Variants in DPPA2 observed in about 807,000 individuals in gnomAD.
The protein encoded by DPPA2 is developmental pluripotency associated 2, also known as developmental pluripotency-associated protein 2.
A neutral mutation model predicts 36.2 loss-of-function variants in DPPA2; 26 were observed. The observed-to-expected ratio is 0.72, with a 90% CI of 0.53 to 1.00. DPPA2 has a LOEUF of 1.00. Ranked by LOEUF, DPPA2 falls within the 50% of genes least tolerant of loss-of-function variation. The pLI is 0.00. For missense variants in DPPA2, 361 were observed against 365.1 expected (o/e 0.99, Z 0.09); for synonymous variants, 113 against 123.2 (o/e 0.92, Z 0.55).
Position 109,304,584 on chromosome 3 carries a change from A to G in DPPA2, c.745T>C (p.Trp249Arg), listed in dbSNP as rs778008059. Reference protein sequence around the residue: ...VRLQFHAGQAWVPTTHRRMIS... With the variant: ...VRLQFHAGQARVPTTHRRMIS... ...ATCCTCCTGTGAGTGGTAGGCACCC[A>G]GGCCTGACCTGCATGAAACTGCAGG... is the stretch of plus-strand genomic sequence containing the variant. Residue 249 changes from tryptophan to arginine, a missense_variant, in exon 7 of 9, where the codon TGG becomes CGG. Physicochemically the swap from Trp to Arg is moderately radical, Grantham distance 101. Coordinates refer to ENST00000478945, the MANE Select transcript of DPPA2 (RefSeq NM_138815.4). 1.9e-6 allele frequency: 3 copies of G among 1,614,120 alleles called. No individual in the cohort carries two copies. The highest frequency in any genetic ancestry group is 2.5e-6 in the Non-Finnish European group (3 of 1,180,028).
intron 3 of DPPA2, 79 bp from the exon 4 acceptor site, chr3:109,309,409 C>A: frequency 3.3e-6 from 5 of 1,535,754 alleles, no homozygotes; most frequent in South Asian, 2.4e-5. Context: ...GATCTAGGGT[C>A]GGGCACGGTG....
intron 1 of DPPA2, among the ~76,000 whole-genome samples, chr3:109,315,291 A>C (rs894428957): frequency 6.6e-6 from 1 of 152,194 alleles, no homozygotes; most frequent in Non-Finnish European, 1.5e-5. Context: ...TTACTCACTG[A>C]AAGATTCCAG....
intron 8 of DPPA2, among the ~76,000 whole-genome samples, chr3:109,298,952 G>A (rs1041890422): frequency 4.6e-5 from 7 of 151,622 alleles, no homozygotes; most frequent in Admixed American, 3.9e-4. Context: ...AGGCTGAGGT[G>A]AGAGGATGGC....
chr3:109,309,183 C>A lies in DPPA2; in HGVS notation c.329G>T (p.Ser110Ile). The change falls in exon 4 of 9, where the codon AGT (serine) becomes ATT (isoleucine). Residue 110 changes from serine (S) to isoleucine (I), a missense_variant. Ser to Ile is a moderately radical substitution (Grantham distance 142). Coordinates refer to ENST00000478945, the MANE Select transcript of DPPA2 (RefSeq NM_138815.4). The stretch of plus-strand genomic sequence containing the variant: ...AAGTGTACTAACCTTGCCATTAGTA[C>A]TCAAACCGAGTTGTTGACACCAGTC... ...LRDWCQQLGL[S>I]TNGKKIEVYL... 1.2e-6 allele frequency: 2 copies of A among 1,614,174 alleles called. No individual in the cohort carries two copies. The highest frequency in any genetic ancestry group is 1.7e-6 in the Non-Finnish European group (2 of 1,180,040).
intron 2 of DPPA2, among the ~76,000 whole-genome samples, chr3:109,313,181 T>C (rs1707738400): frequency 6.6e-6 from 1 of 152,214 alleles, no homozygotes. Flanking sequence ...TTGTTGAAAA[T>C]TATTCAATGG....
chr3:109,299,755 T>TG (rs1417753008), intron 8 of DPPA2, among the ~76,000 whole-genome samples: 75 of 148,482 alleles, frequency 5.1e-4, no homozygotes, highest in African/African-American at 1.8e-3. Flanking sequence ...ACTCATTAGT[T>TG]TTTTTTTTTT....
chr3:109,299,151 A>T (rs911560180), intron 8 of DPPA2, among the ~76,000 whole-genome samples: 1 of 150,340 alleles, frequency 6.7e-6, no homozygotes, highest in African/African-American at 2.4e-5. Context: ...TGAGGTCAGG[A>T]GTTCCAGATC....
rs562736251 is a variant in DPPA2, at chr3:109,310,599, A to G, written c.182-1269T>C. 8.7e-4 allele frequency among the ~76,000 whole-genome samples: 131 copies of G among 150,146 alleles called. 1 individual carries two copies. The East Asian group carries it at 0.016, about 18-fold the overall frequency. ...CAGCTCACTGCAACCTCCGCCTCCT[A>G]GGTTCAAGCAATTCTCCTGCCTCAG... On this transcript the variant is annotated intron_variant, in intron 3 of 8. Transcript: ENST00000478945.
intron 8 of DPPA2, among the ~76,000 whole-genome samples, chr3:109,299,640 CTCA>C (rs1294654302): frequency 1.4e-5 from 2 of 147,936 alleles, no homozygotes; most frequent in African/African-American, 5.0e-5. Context: ...GAGCTGAGAT[CTCA>C]TCATTGTACT....
rs1380456011 is a variant in DPPA2 at position 109,304,457 on chromosome 3, A to G, written c.854+18T>C. The G allele has an allele frequency of 3.8e-6, 6 of 1,585,884 alleles. No homozygotes were observed. Among genetic ancestry groups the G allele is most frequent in the Non-Finnish European group, 5.1e-6 (6 of 1,166,930 alleles). On this transcript the variant is annotated intron_variant, in intron 7 of 8. Coordinates refer to ENST00000478945, the MANE Select transcript of DPPA2 (RefSeq NM_138815.4). ...TACTTTTCTGTGTGCCATGCTTAAC[A>G]AGATACATAAGGGTTACCTCTTAGC... is the stretch of plus-strand genomic sequence containing the variant.
intron 8 of DPPA2, 131 bp downstream of exon 8, chr3:109,300,240 T>A (rs1180488574): frequency 4.2e-6 from 3 of 716,416 alleles, no homozygotes; most frequent in Non-Finnish European, 2.4e-6. Flanking sequence ...GACAAGAGAC[T>A]TTGATACATT....
At chr3:109,301,846 C>T (rs963068572) in intron 7 of DPPA2, among the ~76,000 whole-genome samples, 1 of 152,126 alleles carries the variant, frequency 6.6e-6, no homozygotes, top group African/African-American at 2.4e-5. Flanking sequence ...CAGCTAATGA[C>T]GGTGATCAAC....
intron 5 of DPPA2, among the ~76,000 whole-genome samples, 175 bp downstream of exon 5, chr3:109,308,851 A>G (rs1022108643): frequency 4.6e-5 from 7 of 152,158 alleles, no homozygotes; most frequent in Non-Finnish European, 8.8e-5. Flanking sequence ...ACATACTACA[A>G]TGTACAGGGC....
chr3:109,309,282 C>T lies in DPPA2; in HGVS notation c.230G>A (p.Arg77Lys), dbSNP rs921473110. Residue 77 changes from arginine (R) to lysine (K), a missense_variant, in exon 4 of 9, where the codon AGA (arginine) becomes AAA (lysine). By Grantham distance (26) the Arg-to-Lys change is conservative. Transcript: ENST00000478945. ...CAAGGGAAGGGCTGGTATTTTGCAT[C>T]TAGCTTTTTGTGGAGCTGTAAATTG... ...NEQFTAPQKA[R>K]CKIPALPLPT... 2 of 1,614,102 alleles carry T rather than the reference C, an allele frequency of 1.2e-6. No homozygotes were observed. Among genetic ancestry groups the T allele is most frequent in the East Asian group, 2.2e-5 (1 of 44,882 alleles).
At chr3:109,301,651 C>T (rs1453946360) in intron 7 of DPPA2, among the ~76,000 whole-genome samples, 1 of 134,864 alleles carries the variant, frequency 7.4e-6, no homozygotes, top group Non-Finnish European at 1.6e-5. Context: ...GACTCCATCT[C>T]AAATAAAAAA....
At chr3:109,309,737 C>G (rs1306965568) in intron 3 of DPPA2, among the ~76,000 whole-genome samples, 1 of 151,180 alleles carries the variant, frequency 6.6e-6, no homozygotes, top group Non-Finnish European at 1.5e-5. Flanking sequence ...TTCTCACAAC[C>G]CAATTTGCAT....
chr3:109,298,670 C>T (rs926957041), intron 8 of DPPA2, among the ~76,000 whole-genome samples: 5 of 150,442 alleles, frequency 3.3e-5, no homozygotes, highest in South Asian at 2.1e-4. Context: ...GAGCTGAGAT[C>T]GGCGTCACTG....
intron 8 of DPPA2, among the ~76,000 whole-genome samples, chr3:109,294,493 T>C (rs1359580075): frequency 6.6e-6 from 1 of 152,206 alleles, no homozygotes; most frequent in Non-Finnish European, 1.5e-5. Flanking sequence ...TAGCCATCAA[T>C]AGGCTGAGTT....
At chr3:109,307,979 A>T in intron 6 of DPPA2, 53 bp downstream of exon 6, 1 of 1,573,494 alleles carries the variant, frequency 6.4e-7, no homozygotes, top group Non-Finnish European at 8.6e-7. Context: ...TTGGACTAAT[A>T]AAAGTTAACC....
Sources: gnomAD v4.1 joint callset for allele counts (sites outside exome capture counted in the v4.1 genomes callset) on GRCh38, gnomAD v4.1.1 for gene constraint, MANE v1.5 for transcripts, NCBI Gene and HGNC (gene_info 2026-07-23, HGNC 2026-07-21) for gene names.